ZNF385D: variants seen among roughly 807,000 people sequenced by gnomAD.
The protein encoded by ZNF385D is zinc finger protein 659.
A neutral mutation model predicts 35.8 loss-of-function variants in ZNF385D; 15 were observed. That is an observed-to-expected ratio of 0.42 (90% confidence interval 0.28 to 0.64). ZNF385D has a LOEUF of 0.64. ZNF385D is among the 30% of genes least tolerant of loss of function. ZNF385D has a pLI of 0.23. For synonymous variants in ZNF385D, 212 were observed against 186.8 expected (o/e 1.13, Z -1.10); for missense variants, 474 against 494.6 (o/e 0.96, Z 0.39).
chr3:21,451,115 C>T (rs923205163), intron 4 of ZNF385D, among the ~76,000 whole-genome samples: 4 of 151,958 alleles, frequency 2.6e-5, no homozygotes, highest in Non-Finnish European at 5.9e-5. Flanking sequence ...GTGAGCTTCT[C>T]CTTTTAAGGA....
chr3:21,896,794 T>A (rs569469923), intron 3 of ZNF385D, among the ~76,000 whole-genome samples: 6 of 151,642 alleles, frequency 4.0e-5, no homozygotes, highest in Non-Finnish European at 8.8e-5. Flanking sequence ...GTTCTGTGTT[T>A]GTATTTCTCC....
chr3:22,289,066 C>A (rs1702164843), intron 2 of ZNF385D, among the ~76,000 whole-genome samples: 2 of 152,096 alleles, frequency 1.3e-5, no homozygotes, highest in Admixed American at 1.3e-4. Context: ...GTTCTAGTTT[C>A]TTCTATCCTC....
intron 2 of ZNF385D, among the ~76,000 whole-genome samples, chr3:22,267,561 AAAT>A (rs540145594): frequency 1.5e-3 from 223 of 152,054 alleles, no homozygotes; most frequent in African/African-American, 4.7e-3. Flanking sequence ...TCTCAGTAAG[AAAT>A]AATAACTCAC....
chr3:22,137,700 C>G (rs932561050), intron 3 of ZNF385D, among the ~76,000 whole-genome samples: 3 of 152,100 alleles, frequency 2.0e-5, no homozygotes, highest in African/African-American at 4.8e-5. Flanking sequence ...ATGACAAACC[C>G]ACGGCCAATA....
intron 5 of ZNF385D, among the ~76,000 whole-genome samples, chr3:21,434,465 T>C (rs1207605524): frequency 1.3e-5 from 2 of 152,166 alleles, no homozygotes; most frequent in Non-Finnish European, 2.9e-5. Context: ...GATTTCCCCA[T>C]ACCACACCCT....
intron 2 of ZNF385D, among the ~76,000 whole-genome samples, chr3:22,348,264 G>A (rs557627456): frequency 5.9e-5 from 9 of 152,140 alleles, no homozygotes; most frequent in Admixed American, 2.6e-4. Context: ...ACCTCAGAAT[G>A]TGACTATTTT....
chr3:22,041,400 T>C (rs6772922), intron 3 of ZNF385D, among the ~76,000 whole-genome samples: 5,551 of 152,168 alleles, frequency 0.036, 344 homozygotes, highest in African/African-American at 0.13. Context: ...ACTGGGGTAA[T>C]ACAAAGAAAA....
chr3:21,980,749 T>C (rs1057280351), intron 3 of ZNF385D, among the ~76,000 whole-genome samples: 4 of 152,134 alleles, frequency 2.6e-5, no homozygotes, highest in African/African-American at 9.6e-5. Context: ...ACAGTGTCTG[T>C]TGTTTCCTTC....
chr3:21,582,462 AT>A (rs1464362881), intron 2 of ZNF385D, among the ~76,000 whole-genome samples: 2 of 151,946 alleles, frequency 1.3e-5, no homozygotes, highest in African/African-American at 2.4e-5. Flanking sequence ...TCTTCTGCAT[AT>A]TTTTTTTCTC....
At chr3:22,064,161 G>C (rs1055470616) in intron 3 of ZNF385D, among the ~76,000 whole-genome samples, 2 of 152,192 alleles carry the variant, frequency 1.3e-5, no homozygotes, top group Non-Finnish European at 2.9e-5. Context: ...GTCCTCAGAA[G>C]ACTCAGTCTT....
At chr3:22,035,828 C>A (rs1426266426) in intron 3 of ZNF385D, among the ~76,000 whole-genome samples, 2 of 152,102 alleles carry the variant, frequency 1.3e-5, no homozygotes, top group Non-Finnish European at 2.9e-5. Flanking sequence ...ATTCTAGGAT[C>A]TAAAAATATT....
At chr3:21,546,919 C>T (rs911752957) in intron 3 of ZNF385D, among the ~76,000 whole-genome samples, 1 of 151,900 alleles carries the variant, frequency 6.6e-6, no homozygotes, top group Admixed American at 6.6e-5. Context: ...GATGCAAGGA[C>T]AGAAGAGGGA....
chr3:21,703,658 C>A (rs1445502316), intron 1 of ZNF385D, among the ~76,000 whole-genome samples: 3 of 93,896 alleles, frequency 3.2e-5, no homozygotes, highest in African/African-American at 1.0e-4. Flanking sequence ...GCTCTTTATC[C>A]TCTTACAAAA....
chr3:21,464,741 A>ACACAC (rs1406120073), intron 4 of ZNF385D, among the ~76,000 whole-genome samples: 4 of 47,444 alleles, frequency 8.4e-5, no homozygotes, highest in African/African-American at 3.0e-4. Flanking sequence ...AAAATAAATT[A>ACACAC]AAACACACAC....
intron 3 of ZNF385D, among the ~76,000 whole-genome samples, chr3:22,114,287 C>G (rs1254612661): frequency 1.3e-5 from 2 of 151,956 alleles, no homozygotes; most frequent in Non-Finnish European, 2.9e-5. Flanking sequence ...ATTCTTAATT[C>G]ACATAACATT....
At chr3:21,668,252 T>A (rs1024505706) in intron 1 of ZNF385D, among the ~76,000 whole-genome samples, 1 of 151,912 alleles carries the variant, frequency 6.6e-6, no homozygotes, top group Non-Finnish European at 1.5e-5. Flanking sequence ...AGTGGAGGAG[T>A]TGATAGCCCC....
In ZNF385D at chr3:22,194,854, C is replaced by G. The variant is rs575134582; in HGVS notation, c.107-25819G>C. ...GTTCTTTTTGTTACTGAGAATTTCT[C>G]CATAGTATGAAGATACCACAATTTG... On this transcript the variant is annotated intron_variant, in intron 2 of 5. Coordinates refer to the ZNF385D transcript ENST00000494108. 9.9e-5 allele frequency among the ~76,000 whole-genome samples: 15 copies of G among 151,920 alleles called. No homozygotes were observed. The East Asian group carries it at 1.5e-3, about 16-fold the overall frequency.
intron 5 of ZNF385D, among the ~76,000 whole-genome samples, chr3:21,429,342 GC>G (rs1241941889): frequency 6.6e-6 from 1 of 151,966 alleles, no homozygotes; most frequent in African/African-American, 2.4e-5. Flanking sequence ...AGCTAAAGTG[GC>G]TTTGCATAAA....
intron 3 of ZNF385D, among the ~76,000 whole-genome samples, chr3:21,865,504 G>T (rs1275651640): frequency 1.3e-5 from 2 of 152,094 alleles, no homozygotes; most frequent in African/African-American, 2.4e-5. Flanking sequence ...CTATCAGTTT[G>T]CTCCAGCAGA....
Sources: gnomAD v4.1 joint callset for allele counts (sites outside exome capture counted in the v4.1 genomes callset) on GRCh38, gnomAD v4.1.1 for gene constraint, MANE v1.5 for transcripts, NCBI Gene and HGNC (gene_info 2026-07-23, HGNC 2026-07-21) for gene names.